The following WWC1 variants were observed in gnomAD, a reference collection of about 807,000 sequenced individuals.
The protein encoded by WWC1 is protein KIBRA.
WWC1 carries 55 observed loss-of-function variants against 138.4 expected under a neutral mutation model. The ratio of observed to expected loss-of-function variants is 0.40; its 90% CI spans 0.32 to 0.50. WWC1 has a LOEUF of 0.50. Among genes scored for constraint, WWC1 ranks in the 20% least tolerant of loss-of-function variants. The pLI, the probability that WWC1 is intolerant of heterozygous loss-of-function variation, is 0.72. For missense variants in WWC1, 1,226 were observed against 1,420.4 expected, an observed-to-expected ratio of 0.86 and a Z score of 2.20; for synonymous variants, 524 against 564.9, an observed-to-expected ratio of 0.93 and a Z score of 1.03.
At chr5:168,399,726 G>C (rs914017530) in intron 5 of WWC1, among the ~76,000 whole-genome samples, 159 bp downstream of exon 5, 15 of 152,110 alleles carry the variant, frequency 9.9e-5, no homozygotes, top group African/African-American at 3.6e-4. Context: ...ATTTCCTGAA[G>C]ATACTGCCAC....
intron 14 of WWC1, among the ~76,000 whole-genome samples, chr5:168,430,671 T>C (rs952491918): frequency 3.3e-5 from 5 of 152,120 alleles, no homozygotes; most frequent in African/African-American, 9.7e-5. Context: ...CTTGGAGGGG[T>C]GTGACTGCGT....
rs1243803274 is a variant in WWC1, at chr5:168,414,408, G to T, written c.1002G>T (p.Leu334=). 1.2e-6 allele frequency: 2 copies of T among 1,606,206 alleles called. No homozygotes were observed. Among genetic ancestry groups the T allele is most frequent in the Admixed American group, 3.4e-5 (2 of 59,058 alleles). The change falls in exon 9 of 23, where the codon CTG becomes CTT. Residue 334 remains leucine, a synonymous_variant. Coordinates refer to ENST00000265293, the MANE Select transcript of WWC1 (RefSeq NM_015238.3). ...KLDSEAWPGV[L]DSERDRLILI... ...ACAGTGAGGCCTGGCCTGGGGTGCT[G>T]GACTCAGAGAGGGACCGGCTGATCC...
Position 168,371,430 on chromosome 5 carries a change from C to T in WWC1, c.126C>T (p.Thr42=). The change falls in exon 2 of 23, where the codon ACC becomes ACT. Residue 42 remains threonine, a synonymous_variant. Coordinates refer to ENST00000265293, the MANE Select transcript of WWC1 (RefSeq NM_015238.3). ...TTCTCCTCTCCCTTGCCAGGTACAC[C>T]AAACCGCTCACCTTTGCTGACTGCA... ...TSWIDPRDRY[T]KPLTFADCIS... 6.2e-7 allele frequency: 1 copy of T among 1,613,856 alleles called. No homozygotes were observed. Among genetic ancestry groups the T allele is most frequent in the Non-Finnish European group, 8.5e-7 (1 of 1,179,824 alleles).
At chr5:168,379,124 A>G (rs1441714852) in intron 2 of WWC1, among the ~76,000 whole-genome samples, 1 of 152,212 alleles carries the variant, frequency 6.6e-6, no homozygotes, top group Non-Finnish European at 1.5e-5. Flanking sequence ...AAGTTTGGAA[A>G]GTAGCTGCTT....
intron 1 of WWC1, among the ~76,000 whole-genome samples, chr5:168,329,446 G>C (rs116575152): frequency 1.9e-4 from 29 of 152,238 alleles, no homozygotes; most frequent in African/African-American, 6.7e-4. Context: ...CTTCCTTTTG[G>C]TAAATCTTAA....
intron 1 of WWC1, among the ~76,000 whole-genome samples, chr5:168,298,520 A>G (rs917079269): frequency 2.6e-5 from 4 of 152,176 alleles, no homozygotes; most frequent in East Asian, 1.9e-4. Flanking sequence ...TTTAAGATCT[A>G]CGTATTCCAT....
intron 1 of WWC1, among the ~76,000 whole-genome samples, chr5:168,345,103 C>T (rs1406438974): frequency 1.3e-5 from 2 of 152,006 alleles, no homozygotes; most frequent in African/African-American, 4.8e-5. Context: ...TCACTGAAAT[C>T]CTTCTCTTTT....
At chr5:168,310,381 T>C (rs967054173) in intron 1 of WWC1, among the ~76,000 whole-genome samples, 6 of 151,302 alleles carry the variant, frequency 4.0e-5, no homozygotes, top group Middle Eastern at 6.9e-3. Context: ...ATTATTTATC[T>C]AAACCATTTA....
intron 2 of WWC1, among the ~76,000 whole-genome samples, chr5:168,379,029 G>A (rs1582092679): frequency 6.6e-6 from 1 of 152,150 alleles, no homozygotes; most frequent in African/African-American, 2.4e-5. Context: ...TGTGTATGGC[G>A]TGTGTTTGTA....
Position 168,457,158 on chromosome 5 carries a change from T to TTC in WWC1, c.2823+1639_2823+1640insCT, listed in dbSNP as rs1371754837. ...AAAGGGCATTTTTTTTTTTTTTTTT[T>TTC]TTTTAGCAAAGTCATATATTTTTCC... On this transcript the variant is annotated intron_variant, in intron 19 of 22. Coordinates refer to ENST00000265293, the MANE Select transcript of WWC1 (RefSeq NM_015238.3). Among the ~76,000 whole-genome samples, 6 of 151,854 alleles carry TTC rather than the reference T, an allele frequency of 4.0e-5. No homozygotes were observed. In the East Asian group the frequency reaches 5.8e-4, roughly 15 times the overall value.
intron 14 of WWC1, among the ~76,000 whole-genome samples, 170 bp downstream of exon 14, chr5:168,430,393 G>A (rs1781846522): frequency 6.6e-6 from 1 of 152,158 alleles, no homozygotes; most frequent in African/African-American, 2.4e-5. Flanking sequence ...TGTGAATACA[G>A]GCACAACGGC....
At chr5:168,374,045 CAAAAA>C (rs200314568) in intron 2 of WWC1, among the ~76,000 whole-genome samples, 2 of 99,648 alleles carry the variant, frequency 2.0e-5, no homozygotes, top group Non-Finnish European at 4.3e-5. Flanking sequence ...GATTCTGTAC[CAAAAA>C]AAAAAAAAAA....
intron 10 of WWC1, 29 bp downstream of exon 10, chr5:168,422,126 C>G: frequency 1.2e-6 from 2 of 1,604,020 alleles, no homozygotes; most frequent in African/African-American, 1.3e-5. Flanking sequence ...GGCCACTGCT[C>G]CCCTGGGCAT....
rs199503993 is a variant in WWC1, at chr5:168,428,764, G to A, written c.1977G>A (p.Ala659=). 2.2e-4 allele frequency: 359 copies of A among 1,613,704 alleles called. No homozygotes were observed. Among genetic ancestry groups the A allele is most frequent in the Non-Finnish European group, 2.6e-4 (310 of 1,179,908 alleles). Residue 659 remains alanine, a synonymous_variant, in exon 13 of 23, where the codon GCG becomes GCA. Coordinates refer to ENST00000265293, the MANE Select transcript of WWC1 (RefSeq NM_015238.3). The part of the protein sequence containing the change: ...FDSDESEAVG[A]TRIQIALKYD... ...GTGACGAATCGGAAGCAGTGGGTGCGACCCGAATTCAGATTGCCCTGAAGT... is the reference window on the plus strand; with the variant it reads ...GTGACGAATCGGAAGCAGTGGGTGCAACCCGAATTCAGATTGCCCTGAAGT...
chr5:168,422,639 A>C (rs561186823), intron 10 of WWC1, among the ~76,000 whole-genome samples: 9 of 152,154 alleles, frequency 5.9e-5, no homozygotes, highest in Admixed American at 3.3e-4. Flanking sequence ...AAGCCTTAGG[A>C]AACTCACACT....
At chr5:168,318,235 T>G (rs1347650492) in intron 1 of WWC1, among the ~76,000 whole-genome samples, 1 of 152,170 alleles carries the variant, frequency 6.6e-6, no homozygotes, top group Non-Finnish European at 1.5e-5. Context: ...GATTGTATAA[T>G]TTTTACCTTA....
chr5:168,363,502 G>A (rs1776043114), intron 1 of WWC1, among the ~76,000 whole-genome samples: 1 of 125,396 alleles, frequency 8.0e-6, no homozygotes, highest in Non-Finnish European at 1.6e-5. Context: ...TCCAGCCTGG[G>A]TGACAGAGCC....
chr5:168,307,516 G>GT (rs1770680756), intron 1 of WWC1, among the ~76,000 whole-genome samples: 1 of 151,384 alleles, frequency 6.6e-6, no homozygotes, highest in Non-Finnish European at 1.5e-5. Flanking sequence ...AGTACATTTG[G>GT]TTTTTCAAAA....
At chr5:168,420,880 C>T (rs1273274684) in intron 9 of WWC1, among the ~76,000 whole-genome samples, 4 of 152,276 alleles carry the variant, frequency 2.6e-5, no homozygotes, top group South Asian at 4.2e-4. Context: ...TTGTCCTCCC[C>T]ACAGTCATGG....
Sources: gnomAD v4.1 joint callset for allele counts (sites outside exome capture counted in the v4.1 genomes callset) on GRCh38, gnomAD v4.1.1 for gene constraint, MANE v1.5 for transcripts, NCBI Gene and HGNC (gene_info 2026-07-23, HGNC 2026-07-21) for gene names.